NAALADL2: variants seen among roughly 807,000 people sequenced by gnomAD.
NAALADL2 encodes the protein N-acetylated alpha-linked acidic dipeptidase like 2.
Under a neutral mutation model 87.2 loss-of-function variants are expected in NAALADL2, and 76 were observed. That is an observed-to-expected ratio of 0.87 (90% CI 0.72 to 1.05). NAALADL2 has a LOEUF of 1.05. Among genes scored for constraint, NAALADL2 ranks in the 50% least tolerant of loss-of-function variants. NAALADL2 has a pLI of 0.00. For missense variants in NAALADL2, 1,089 were observed against 945.8 expected (o/e 1.15, Z -1.99); for synonymous variants, 354 against 331.0 (o/e 1.07, Z -0.75).
intron 1 of NAALADL2, among the ~76,000 whole-genome samples, chr3:175,081,727 A>G (rs1269338060): frequency 6.6e-6 from 1 of 152,106 alleles, no homozygotes; most frequent in Non-Finnish European, 1.5e-5. Flanking sequence ...ACCATTTCTG[A>G]TTTCTTAACG....
At chr3:175,755,002 G>A (rs1294327815) in intron 12 of NAALADL2, among the ~76,000 whole-genome samples, 2 of 152,108 alleles carry the variant, frequency 1.3e-5, no homozygotes, top group Non-Finnish European at 2.9e-5. Context: ...AAGTTTACTT[G>A]ATGCTGAATC....
intron 1 of NAALADL2, among the ~76,000 whole-genome samples, chr3:174,451,843 G>GTTTTTTTTTTTTT (rs764587503): frequency 7.1e-5 from 7 of 98,090 alleles, no homozygotes; most frequent in East Asian, 6.4e-4. Flanking sequence ...GATAGTGGGA[G>GTTTTTTTTTTTTT]TTTTTTTTTT....
chr3:175,735,264 A>G (rs567384572), intron 11 of NAALADL2, among the ~76,000 whole-genome samples: 1 of 152,152 alleles, frequency 6.6e-6, no homozygotes, highest in Non-Finnish European at 1.5e-5. Flanking sequence ...CATTTTCTCT[A>G]TAATTGTCAG....
chr3:174,575,926 C>T (rs558208541), intron 2 of NAALADL2, among the ~76,000 whole-genome samples: 1 of 152,024 alleles, frequency 6.6e-6, no homozygotes, highest in Non-Finnish European at 1.5e-5. Context: ...GTGCAATGTG[C>T]GATCTCGGCT....
In NAALADL2 at chr3:174,547,629, T is replaced by A. The variant is rs144766144; in HGVS notation, c.-183-2940T>A. Among the ~76,000 whole-genome samples the A allele has an allele frequency of 3.0e-3, 455 of 152,188 alleles. 4 individuals are homozygous for A. The highest frequency in any genetic ancestry group is 0.01 in the African/African-American group (434 of 41,540). ...AAAAGTCATTTTCCTTTCTCAGCAT[T>A]CTGTTTTATTCCTTAGGTCCATATG... On this transcript the variant is annotated intron_variant, in intron 1 of 3. Coordinates refer to the NAALADL2 transcript ENST00000434257.
intron 9 of NAALADL2, among the ~76,000 whole-genome samples, chr3:175,516,401 A>T (rs938669292): frequency 2.3e-4 from 35 of 152,172 alleles, no homozygotes; most frequent in Non-Finnish European, 2.9e-5. Context: ...AAGTGTATTG[A>T]TATGTGTGAG....
chr3:175,374,947 CT>C (rs1175722476), intron 5 of NAALADL2, among the ~76,000 whole-genome samples: 1 of 151,864 alleles, frequency 6.6e-6, no homozygotes, highest in African/African-American at 2.4e-5. Context: ...TACCTTTTAC[CT>C]TTAGAATGCA....
intron 10 of NAALADL2, among the ~76,000 whole-genome samples, chr3:175,604,215 A>T (rs77609627): frequency 6.6e-6 from 1 of 152,020 alleles, no homozygotes; most frequent in East Asian, 1.9e-4. Context: ...TGATATTTTC[A>T]TAGTTATATT....
At chr3:174,935,668 G>C (rs935611270) in intron 1 of NAALADL2, among the ~76,000 whole-genome samples, 3 of 151,852 alleles carry the variant, frequency 2.0e-5, no homozygotes, top group Admixed American at 2.0e-4. Context: ...GTAAACTTTT[G>C]GTATGTTATG....
intron 11 of NAALADL2, among the ~76,000 whole-genome samples, chr3:175,637,827 A>C (rs1202889061): frequency 1.3e-5 from 2 of 152,146 alleles, no homozygotes. Context: ...AATTAAATAC[A>C]CACTTTTGGT....
intron 2 of NAALADL2, among the ~76,000 whole-genome samples, chr3:175,132,139 A>AC (rs1414056970): frequency 9.8e-6 from 1 of 101,828 alleles, no homozygotes; most frequent in Non-Finnish European, 1.9e-5. Flanking sequence ...CGGGGGGCTG[A>AC]CCCCCCCACC....
chr3:175,179,830 T>C (rs966365547), intron 2 of NAALADL2, among the ~76,000 whole-genome samples: 15 of 152,062 alleles, frequency 9.9e-5, no homozygotes, highest in Non-Finnish European at 2.1e-4. Flanking sequence ...TTTATACTGG[T>C]TCAGAATCTC....
chr3:174,871,899 A>AAAATAAATAAAT (rs3884085), intron 1 of NAALADL2, among the ~76,000 whole-genome samples: 19 of 151,754 alleles, frequency 1.3e-4, no homozygotes, highest in African/African-American at 4.4e-4. Flanking sequence ...ACTCTGTTTC[A>AAAATAAATAAAT]AAATAAATAA....
chr3:175,414,920 T>C (rs1175194672), intron 5 of NAALADL2, among the ~76,000 whole-genome samples: 1 of 152,176 alleles, frequency 6.6e-6, no homozygotes, highest in Non-Finnish European at 1.5e-5. Context: ...GTTCTCCTTC[T>C]GGGACACTAT....
At chr3:175,792,699 C>T (rs1030906928) in intron 13 of NAALADL2, among the ~76,000 whole-genome samples, 6 of 152,098 alleles carry the variant, frequency 3.9e-5, no homozygotes, top group East Asian at 1.9e-4. Flanking sequence ...AACACAAAGC[C>T]GTACTCACAT....
intron 2 of NAALADL2, among the ~76,000 whole-genome samples, chr3:174,664,320 G>A (rs950158638): frequency 2.6e-5 from 4 of 152,054 alleles, no homozygotes; most frequent in African/African-American, 9.7e-5. Flanking sequence ...TATTCTTTTA[G>A]CGATCGGACA....
chr3:175,616,763 T>C lies in NAALADL2; in HGVS notation c.1801-10528T>C, dbSNP rs186871963. Among the ~76,000 whole-genome samples, 46 of 152,234 alleles carry C rather than the reference T, an allele frequency of 3.0e-4. No homozygotes were observed. The East Asian group carries it at 8.5e-3, about 28-fold the overall frequency. Reference sequence around the variant, plus strand: ...TTTGTGGGTTTCTGTACCCCCAATATTGGGGTAATACAAGGGCTGTTGCAG... The same window carrying C: ...TTTGTGGGTTTCTGTACCCCCAATACTGGGGTAATACAAGGGCTGTTGCAG... On this transcript the variant is annotated intron_variant, in intron 10 of 13. Coordinates refer to ENST00000454872, the MANE Select transcript of NAALADL2 (RefSeq NM_207015.3).
At chr3:175,212,833 A>G (rs865935110) in intron 2 of NAALADL2, among the ~76,000 whole-genome samples, 1 of 152,190 alleles carries the variant, frequency 6.6e-6, no homozygotes, top group Admixed American at 6.6e-5. Context: ...TTCGTATGAA[A>G]TACTTAAATA....
intron 1 of NAALADL2, among the ~76,000 whole-genome samples, chr3:174,960,081 T>G (rs1162868909): frequency 6.6e-6 from 1 of 151,980 alleles, no homozygotes; most frequent in Non-Finnish European, 1.5e-5. Flanking sequence ...TGCTTTGGAG[T>G]AGCAGAAGCT....
Sources: gnomAD v4.1 joint callset for allele counts (sites outside exome capture counted in the v4.1 genomes callset) on GRCh38, gnomAD v4.1.1 for gene constraint, MANE v1.5 for transcripts, NCBI Gene and HGNC (gene_info 2026-07-23, HGNC 2026-07-21) for gene names.